NUP210L: variants seen among roughly 807,000 people sequenced by gnomAD.
NUP210L encodes the protein nucleoporin 210 like.
In NUP210L, 74 loss-of-function variants were observed where a neutral mutation model predicts 208.5. The observed-to-expected ratio is 0.35, with a 90% confidence interval of 0.29 to 0.43. The LOEUF is 0.43. Ranked by LOEUF, NUP210L falls within the 20% of genes least tolerant of loss-of-function variation. NUP210L has a pLI of 1.00. For missense variants in NUP210L, 1,843 were observed against 2,289.4 expected (o/e 0.81, Z 3.98); for synonymous variants, 780 against 816.9 (o/e 0.95, Z 0.77).
chr1:154,001,075 A>G lies in NUP210L; in HGVS notation c.5182-15T>C, dbSNP rs1650181342. Reference sequence around the variant, plus strand: ...CTGGAGATGACCTTGGAGAAAAGATAAAACCTTTTATTTAAAAGAAGAAAA... The same window carrying G: ...CTGGAGATGACCTTGGAGAAAAGATGAAACCTTTTATTTAAAAGAAGAAAA... On this transcript the variant is annotated splice_polypyrimidine_tract_variant and intron_variant, in intron 36 of 39. Coordinates refer to ENST00000368559, the Ensembl canonical transcript of NUP210L. 1.2e-6 allele frequency: 2 copies of G among 1,606,408 alleles called. No homozygotes were observed. Among genetic ancestry groups the G allele is most frequent in the Non-Finnish European group, 1.7e-6 (2 of 1,175,104 alleles).
At chr1:153,996,767 C>T (rs933762651) in intron 37 of NUP210L, among the ~76,000 whole-genome samples, 2 of 151,498 alleles carry the variant, frequency 1.3e-5, no homozygotes, top group Non-Finnish European at 2.9e-5. Flanking sequence ...TCCACAGTAC[C>T]TTTGTCCTAC....
At chr1:154,153,833 G>A (rs1386736007) in intron 1 of NUP210L, among the ~76,000 whole-genome samples, 2 of 152,154 alleles carry the variant, frequency 1.3e-5, no homozygotes, top group East Asian at 1.9e-4. Context: ...AAACACACAC[G>A]TCACACTGGA....
intron 32 of NUP210L, among the ~76,000 whole-genome samples, chr1:154,019,849 C>A (rs1414903575): frequency 6.6e-6 from 1 of 151,942 alleles, no homozygotes; most frequent in South Asian, 2.1e-4. Context: ...CCACTTGAAC[C>A]CAGAAGGTGG....
At chr1:154,104,044 T>C in exon 13 of NUP210L, 1 of 1,614,050 alleles carries the variant, frequency 6.2e-7, no homozygotes, top group Non-Finnish European at 8.5e-7. Flanking sequence ...TCCTTGTTTA[T>C]CCATGTTCAG....
intron 16 of NUP210L, among the ~76,000 whole-genome samples, chr1:154,083,650 C>G (rs536708214): frequency 6.6e-6 from 1 of 152,010 alleles, no homozygotes; most frequent in Non-Finnish European, 1.5e-5. Flanking sequence ...AAAACCCATA[C>G]GTTTGGTTAC....
At chr1:154,069,053 G>T (rs1654566179) in intron 17 of NUP210L, among the ~76,000 whole-genome samples, 1 of 152,084 alleles carries the variant, frequency 6.6e-6, no homozygotes, top group South Asian at 2.1e-4. Context: ...ATTTAAGATG[G>T]ATTAAAGACT....
chr1:154,122,786 C>CA (rs1222626884), intron 10 of NUP210L, among the ~76,000 whole-genome samples: 1 of 152,084 alleles, frequency 6.6e-6, no homozygotes, highest in African/African-American at 2.4e-5. Flanking sequence ...GGGCCAGGTG[C>CA]AGTGGCTCAC....
intron 23 of NUP210L, among the ~76,000 whole-genome samples, chr1:154,056,479 A>G (rs1653877020): frequency 6.6e-6 from 1 of 152,192 alleles, no homozygotes; most frequent in Non-Finnish European, 1.5e-5. Context: ...CAATGGCACA[A>G]TCACAGCTCA....
intron 9 of NUP210L, 136 bp from the exon 10 acceptor site, chr1:154,126,599 C>A: frequency 1.6e-6 from 1 of 631,106 alleles, no homozygotes; most frequent in Non-Finnish European, 2.5e-6. Context: ...TTTGCTCTCC[C>A]TCATAGAAAT....
In NUP210L at chr1:154,060,354, A is replaced by C. The variant is rs537740922; in HGVS notation, c.2850+186T>G. ...AAATCTTCTAACTGAGATCTCTTAT[A>C]CTGTCTCTGTTCAACCAGAAGCAAA... On this transcript the variant is annotated intron_variant, in intron 20 of 39. Transcript: ENST00000368559. Among the ~76,000 whole-genome samples the C allele has an allele frequency of 8.3e-4, 126 of 152,312 alleles. 3 individuals carry two copies. The South Asian group carries it at 0.025, about 30-fold the overall frequency.
At chr1:154,075,866 T>C (rs1655004276) in intron 16 of NUP210L, among the ~76,000 whole-genome samples, 1 of 151,886 alleles carries the variant, frequency 6.6e-6, no homozygotes, top group Non-Finnish European at 1.5e-5. Flanking sequence ...CATAGCTCAC[T>C]GCATCCTCTG....
chr1:154,025,336 T>A (rs1051536683), intron 30 of NUP210L, among the ~76,000 whole-genome samples: 1 of 144,586 alleles, frequency 6.9e-6, no homozygotes, highest in Admixed American at 7.3e-5. Flanking sequence ...CCAGAGAGTT[T>A]CTTCTTCTTC....
At chr1:154,015,448 C>T (rs1303484859) in intron 33 of NUP210L, among the ~76,000 whole-genome samples, 2 of 151,988 alleles carry the variant, frequency 1.3e-5, no homozygotes, top group South Asian at 2.1e-4. Flanking sequence ...TGGCTGGGCA[C>T]AGTGGCTCAT....
At chr1:154,003,455 C>T (rs909593993) in intron 35 of NUP210L, among the ~76,000 whole-genome samples, 4 of 151,760 alleles carry the variant, frequency 2.6e-5, no homozygotes, top group African/African-American at 9.7e-5. Context: ...ATCCTCCCAC[C>T]TCAGCCTCCC....
At chr1:154,051,058 T>C (rs1443982321) in intron 25 of NUP210L, among the ~76,000 whole-genome samples, 1 of 152,200 alleles carries the variant, frequency 6.6e-6, no homozygotes. Context: ...CTGATGACTT[T>C]ATTTACCCAA....
exon 3 of NUP210L, chr1:154,143,518 C>G (rs747845283): frequency 6.2e-7 from 1 of 1,613,934 alleles, no homozygotes; most frequent in Non-Finnish European, 8.5e-7. Context: ...GCCCGAGATA[C>G]AATTTCAATG....
chr1:154,139,876 C>T, exon 5 of NUP210L: 1 of 1,612,782 alleles, frequency 6.2e-7, no homozygotes, highest in Non-Finnish European at 8.5e-7. Context: ...AAAATCACAT[C>T]TCCTTGTTTC....
In NUP210L at chr1:154,111,817, A is replaced by C. The variant is rs570134465; in HGVS notation, c.1620+5908T>G. 4.0e-4 allele frequency among the ~76,000 whole-genome samples: 61 copies of C among 151,892 alleles called. 3 individuals are homozygous for C. Among genetic ancestry groups the C allele is most frequent in the African/African-American group, 1.5e-3 (60 of 41,156 alleles). ...TATTACCCTGATACAAAAACCAGAC[A>C]AAGACTTATTAAAAACAAAACAAAA... On this transcript the variant is annotated intron_variant, in intron 12 of 39. Coordinates refer to ENST00000368559, the Ensembl canonical transcript of NUP210L.
Position 154,138,258 on chromosome 1 carries a change from A to T in NUP210L, c.718-20T>A, listed in dbSNP as rs113832684. The T allele has an allele frequency of 0.011, 5,391 of 493,748 alleles. 31 individuals carry two copies. Among genetic ancestry groups the T allele is most frequent in the South Asian group, 0.063 (1,375 of 21,892 alleles). The allele number at this position is 493,748 out of a possible 1,614,324, so 30.6% of individuals were successfully genotyped here. A position where few individuals can be genotyped will look rare whatever the true frequency, so the allele number is the denominator to read the frequency against. Reference sequence around the variant, plus strand: ...CACTTTCTAAAAGAGGGAGGGAAGGAAAAAAAAAAACAGTTTCCATGGACG... The same window carrying T: ...CACTTTCTAAAAGAGGGAGGGAAGGTAAAAAAAAAACAGTTTCCATGGACG... On this transcript the variant is annotated intron_variant, in intron 5 of 39. Transcript: ENST00000368559.
Sources: gnomAD v4.1 joint callset for allele counts (sites outside exome capture counted in the v4.1 genomes callset) on GRCh38, gnomAD v4.1.1 for gene constraint, MANE v1.5 for transcripts, NCBI Gene and HGNC (gene_info 2026-07-23, HGNC 2026-07-21) for gene names.